The following SLC41A2 variants were observed in gnomAD, a reference collection of about 807,000 sequenced individuals.
SLC41A2 encodes the protein solute carrier family 41 member 2.
SLC41A2 carries 32 observed loss-of-function variants against 58.3 expected under a neutral mutation model. The ratio of observed to expected loss-of-function variants is 0.55; its 90% CI spans 0.41 to 0.74. SLC41A2 has a LOEUF of 0.74. Among genes scored for constraint, SLC41A2 ranks in the 30% least tolerant of loss-of-function variants. The pLI is 0.00. For missense variants in SLC41A2, 514 were observed against 680.6 expected, an observed-to-expected ratio of 0.76 and a Z score of 2.72; for synonymous variants, 190 against 235.0, an observed-to-expected ratio of 0.81 and a Z score of 1.75.
At chr12:104,898,068 A>C (rs2045381339) in intron 3 of SLC41A2, among the ~76,000 whole-genome samples, 1 of 152,226 alleles carries the variant, frequency 6.6e-6, no homozygotes, top group Non-Finnish European at 1.5e-5. Flanking sequence ...ATGATCTAGT[A>C]AAGACTTCTG....
At chr12:104,841,558 A>C (rs974520326) in intron 10 of SLC41A2, among the ~76,000 whole-genome samples, 3 of 152,148 alleles carry the variant, frequency 2.0e-5, no homozygotes, top group Non-Finnish European at 4.4e-5. Context: ...TGTCGATATA[A>C]TATGGAAAAT....
chr12:104,890,765 G>C (rs1383197372), intron 4 of SLC41A2, among the ~76,000 whole-genome samples: 1 of 152,204 alleles, frequency 6.6e-6, no homozygotes, highest in African/African-American at 2.4e-5. Context: ...TGTGGGACTG[G>C]AGACTTTGCT....
chr12:104,876,920 T>G (rs1031031709), intron 6 of SLC41A2, among the ~76,000 whole-genome samples: 1 of 152,186 alleles, frequency 6.6e-6, no homozygotes, highest in Non-Finnish European at 1.5e-5. Flanking sequence ...TATTTCCCCC[T>G]TCATATCTGT....
intron 6 of SLC41A2, among the ~76,000 whole-genome samples, chr12:104,867,911 C>A (rs887408355): frequency 7.9e-5 from 12 of 151,704 alleles, no homozygotes; most frequent in African/African-American, 2.9e-4. Flanking sequence ...GAACTACATA[C>A]AAATCCCAAA....
intron 2 of SLC41A2, among the ~76,000 whole-genome samples, chr12:104,924,744 CAA>C (rs529908518): frequency 1.5e-5 from 2 of 136,768 alleles, no homozygotes; most frequent in African/African-American, 2.7e-5. Context: ...AACTCTGTCT[CAA>C]AAAAAAAAAA....
intron 3 of SLC41A2, among the ~76,000 whole-genome samples, chr12:104,897,822 T>C (rs73399973): frequency 7.3e-4 from 111 of 152,084 alleles, no homozygotes; most frequent in African/African-American, 2.5e-3. Context: ...ACACAGAAAA[T>C]TGATTTTGTT....
At chr12:104,890,051 G>C (rs944738696) in intron 4 of SLC41A2, among the ~76,000 whole-genome samples, 1 of 152,090 alleles carries the variant, frequency 6.6e-6, no homozygotes, top group Non-Finnish European at 1.5e-5. Context: ...TGACAATCTG[G>C]TAAAAACTCT....
At chr12:104,944,411 G>A (rs890133753) in intron 1 of SLC41A2, among the ~76,000 whole-genome samples, 2 of 152,218 alleles carry the variant, frequency 1.3e-5, no homozygotes, top group African/African-American at 4.8e-5. Flanking sequence ...TCTCCAAACT[G>A]CACTTTCCGT....
intron 1 of SLC41A2, among the ~76,000 whole-genome samples, chr12:104,957,396 A>G (rs570851757): frequency 6.6e-6 from 1 of 152,296 alleles, no homozygotes; most frequent in African/African-American, 2.4e-5. Context: ...AGGAGTGATT[A>G]CTAAGAGAGA....
intron 2 of SLC41A2, among the ~76,000 whole-genome samples, chr12:104,913,867 C>A (rs1291949091): frequency 6.6e-6 from 1 of 152,070 alleles, no homozygotes; most frequent in Non-Finnish European, 1.5e-5. Flanking sequence ...AGGTCAGGAG[C>A]TCGAGACCAG....
chr12:104,932,625 A>G (rs1483897632), intron 1 of SLC41A2, among the ~76,000 whole-genome samples: 1 of 106,784 alleles, frequency 9.4e-6, no homozygotes, highest in Non-Finnish European at 2.0e-5. Flanking sequence ...ACTTTGTCTC[A>G]AAAAAAAAAA....
intron 1 of SLC41A2, among the ~76,000 whole-genome samples, chr12:104,956,398 A>C (rs2048168737): frequency 6.6e-6 from 1 of 152,096 alleles, no homozygotes; most frequent in Non-Finnish European, 1.5e-5. Flanking sequence ...AGCAACCCAG[A>C]CTGGCCGTGG....
chr12:104,849,075 TAA>T (rs2042710175), intron 8 of SLC41A2, among the ~76,000 whole-genome samples: 1 of 152,162 alleles, frequency 6.6e-6, no homozygotes, highest in Admixed American at 6.5e-5. Context: ...TCCACATGAT[TAA>T]AGACCTCGTG....
At chr12:104,908,919 T>C (rs1451404654) in intron 3 of SLC41A2, among the ~76,000 whole-genome samples, 1 of 152,204 alleles carries the variant, frequency 6.6e-6, no homozygotes, top group African/African-American at 2.4e-5. Flanking sequence ...AGAATATTCA[T>C]CACAACATTG....
intron 10 of SLC41A2, among the ~76,000 whole-genome samples, chr12:104,827,686 C>G (rs2041895229): frequency 6.6e-6 from 1 of 152,140 alleles, no homozygotes; most frequent in Non-Finnish European, 1.5e-5. Context: ...TCCAAACGGT[C>G]AGGCAACCGA....
chr12:104,898,839 C>G (rs943866986), intron 3 of SLC41A2, among the ~76,000 whole-genome samples: 1 of 152,148 alleles, frequency 6.6e-6, no homozygotes, highest in Non-Finnish European at 1.5e-5. Context: ...ACAGACACCT[C>G]ACCAAAGAAG....
At chr12:104,819,910 T>C (rs773103337) in intron 10 of SLC41A2, among the ~76,000 whole-genome samples, 9 of 152,234 alleles carry the variant, frequency 5.9e-5, no homozygotes, top group Non-Finnish European at 1.0e-4. Flanking sequence ...GGATTCTGCA[T>C]TCTTCAGCCA....
chr12:104,945,622 ATGTT>A (rs2047689694), intron 1 of SLC41A2, among the ~76,000 whole-genome samples: 1 of 152,244 alleles, frequency 6.6e-6, no homozygotes, highest in Non-Finnish European at 1.5e-5. Context: ...TTCCAAATAT[ATGTT>A]TAAGACAAAA....
chr12:104,854,799 A>C (rs2042962922), intron 8 of SLC41A2, among the ~76,000 whole-genome samples: 1 of 152,092 alleles, frequency 6.6e-6, no homozygotes, highest in African/African-American at 2.4e-5. Context: ...TGCCCTAGAG[A>C]AATGAATCTC....
Sources: allele counts gnomAD v4.1 joint callset (sites outside exome capture counted in the v4.1 genomes callset), GRCh38; gene constraint gnomAD v4.1.1; transcripts MANE v1.5; gene names NCBI Gene and HGNC (gene_info 2026-07-23, HGNC 2026-07-21).